The following SDCCAG8 variants were observed in gnomAD, a reference collection of about 807,000 sequenced individuals.
The protein encoded by SDCCAG8 is SHH signaling and ciliogenesis regulator SDCCAG8, also known as serologically defined colon cancer antigen 8.
SDCCAG8 carries 74 observed loss-of-function variants against 101.8 expected under a neutral mutation model. The ratio of observed to expected loss-of-function variants is 0.73; its 90% CI spans 0.60 to 0.88. The LOEUF (loss-of-function observed/expected upper bound fraction) is 0.88, where lower values mean the gene tolerates loss of function less well. Ranked by LOEUF, SDCCAG8 falls within the 40% of genes least tolerant of loss-of-function variation. SDCCAG8 has a pLI of 0.00. For missense variants in SDCCAG8, 787 were observed against 822.6 expected (o/e 0.96, Z 0.53); for synonymous variants, 281 against 292.9 (o/e 0.96, Z 0.41).
Position 243,418,057 on chromosome 1 carries a change from C to A in SDCCAG8, c.1834C>A (p.Gln612Lys), listed in dbSNP as rs757630709. ...CTGTACATTAGCCAAGAAACTGGAA[C>A]AAATCTCTCAAAAAACCAGGTAGGT... ...ECCTLAKKLE[Q>K]ISQKTRSEIA... The change falls in exon 15 of 18, where the codon CAA becomes AAA. Residue 612 changes from glutamine (Q) to lysine (K), a missense_variant. By Grantham distance (53) the Gln-to-Lys change is moderately conservative. Transcript: ENST00000366541. 1.9e-6 allele frequency: 3 copies of A among 1,611,022 alleles called. No homozygotes were observed. The highest frequency in any genetic ancestry group is 1.7e-5 in the Admixed American group (1 of 59,954).
chr1:243,490,780 G>T (rs1468859005), intron 17 of SDCCAG8, among the ~76,000 whole-genome samples: 2 of 152,230 alleles, frequency 1.3e-5, no homozygotes, highest in African/African-American at 4.8e-5. Flanking sequence ...AGCAGCAGCT[G>T]TGGGACCAGT....
At chr1:243,273,478 G>A (rs150899653) in intron 3 of SDCCAG8, among the ~76,000 whole-genome samples, 90 of 152,194 alleles carry the variant, frequency 5.9e-4, no homozygotes, top group African/African-American at 2.0e-3. Flanking sequence ...TAGCATTAGC[G>A]TTTTTTTGAA....
intron 6 of SDCCAG8, among the ~76,000 whole-genome samples, chr1:243,295,357 C>T (rs998111542): frequency 3.3e-5 from 5 of 152,176 alleles, no homozygotes; most frequent in African/African-American, 1.2e-4. Flanking sequence ...CCTGCCTCAG[C>T]ACCCCAAGTA....
At chr1:243,359,945 G>T (rs1022475927) in intron 12 of SDCCAG8, among the ~76,000 whole-genome samples, 1 of 152,010 alleles carries the variant, frequency 6.6e-6, no homozygotes, top group African/African-American at 2.4e-5. Context: ...TGTTTGATCA[G>T]TCTTTTTTAT....
At chr1:243,433,140 T>A (rs1333072328) in intron 16 of SDCCAG8, among the ~76,000 whole-genome samples, 4 of 152,088 alleles carry the variant, frequency 2.6e-5, no homozygotes, top group African/African-American at 9.7e-5. Context: ...ATGGATACGG[T>A]GCTGGAAAGG....
chr1:243,476,642 C>G (rs1015352484), intron 16 of SDCCAG8, among the ~76,000 whole-genome samples: 1 of 152,190 alleles, frequency 6.6e-6, no homozygotes, highest in African/African-American at 2.4e-5. Context: ...GACCTCCATG[C>G]GTCTGATAGT....
At chr1:243,258,161 A>G (rs917083151) in intron 1 of SDCCAG8, among the ~76,000 whole-genome samples, 25 of 151,562 alleles carry the variant, frequency 1.6e-4, no homozygotes, top group African/African-American at 5.8e-4. Context: ...CACCAAGAGC[A>G]AATACGAAGG....
At chr1:243,264,974 G>A (rs935616823) in intron 1 of SDCCAG8, among the ~76,000 whole-genome samples, 5 of 152,198 alleles carry the variant, frequency 3.3e-5, no homozygotes, top group African/African-American at 1.2e-4. Flanking sequence ...ATAGGAAACG[G>A]TAACTGGAAC....
At chr1:243,387,488 G>A (rs1350701777) in intron 13 of SDCCAG8, among the ~76,000 whole-genome samples, 1 of 152,148 alleles carries the variant, frequency 6.6e-6, no homozygotes, top group African/African-American at 2.4e-5. Flanking sequence ...CACCAAACAG[G>A]TATTATACTG....
chr1:243,477,375 T>C (rs941948533), intron 16 of SDCCAG8, among the ~76,000 whole-genome samples: 1 of 152,200 alleles, frequency 6.6e-6, no homozygotes, highest in East Asian at 1.9e-4. Flanking sequence ...TGTTCTTGCT[T>C]GAGACAAAGC....
At chr1:243,487,311 G>T (rs1665152984) in intron 16 of SDCCAG8, among the ~76,000 whole-genome samples, 1 of 152,236 alleles carries the variant, frequency 6.6e-6, no homozygotes, top group African/African-American at 2.4e-5. Flanking sequence ...GATCCACTGG[G>T]TGGCTTTGAG....
At chr1:243,425,163 A>G (rs935957715) in intron 15 of SDCCAG8, among the ~76,000 whole-genome samples, 1 of 152,172 alleles carries the variant, frequency 6.6e-6, no homozygotes, top group African/African-American at 2.4e-5. Context: ...GAGATAATCC[A>G]TGCTCTCATA....
At chr1:243,374,221 A>T (rs1471574804) in intron 12 of SDCCAG8, among the ~76,000 whole-genome samples, 1 of 152,076 alleles carries the variant, frequency 6.6e-6, no homozygotes, top group Non-Finnish European at 1.5e-5. Flanking sequence ...TAAGAAAATG[A>T]GATAATCAAT....
chr1:243,258,531 A>G (rs1442565956), intron 1 of SDCCAG8, among the ~76,000 whole-genome samples: 1 of 152,074 alleles, frequency 6.6e-6, no homozygotes, highest in Non-Finnish European at 1.5e-5. Flanking sequence ...CAGCCTCCCA[A>G]GTAGCTGGGA....
At chr1:243,450,303 G>A (rs2083256204) in intron 16 of SDCCAG8, among the ~76,000 whole-genome samples, 1 of 152,174 alleles carries the variant, frequency 6.6e-6, no homozygotes, top group Non-Finnish European at 1.5e-5. Flanking sequence ...GATTAATATA[G>A]GCTGATTCCA....
intron 13 of SDCCAG8, among the ~76,000 whole-genome samples, chr1:243,398,287 A>G (rs1404577556): frequency 6.6e-6 from 1 of 152,206 alleles, no homozygotes; most frequent in African/African-American, 2.4e-5. Flanking sequence ...CAGTAAATAT[A>G]AAGAATTGAA....
chr1:243,294,361 C>T (rs138138067), intron 6 of SDCCAG8, among the ~76,000 whole-genome samples: 2 of 151,948 alleles, frequency 1.3e-5, no homozygotes, highest in African/African-American at 2.4e-5. Context: ...TATTCCATAT[C>T]GTGTGATTAT....
chr1:243,348,037 C>CTTTT (rs1181379015), intron 12 of SDCCAG8, among the ~76,000 whole-genome samples: 1 of 103,382 alleles, frequency 9.7e-6, no homozygotes, highest in Non-Finnish European at 1.9e-5. Flanking sequence ...TTTTTTTTTT[C>CTTTT]TTTTTTTTTT....
At chr1:243,386,620 G>A (rs982016458) in intron 13 of SDCCAG8, among the ~76,000 whole-genome samples, 3 of 152,082 alleles carry the variant, frequency 2.0e-5, no homozygotes, top group African/African-American at 4.8e-5. Flanking sequence ...GGGCATGATG[G>A]CACACGTCCG....
Sources: allele counts gnomAD v4.1 joint callset (sites outside exome capture counted in the v4.1 genomes callset), GRCh38; gene constraint gnomAD v4.1.1; transcripts MANE v1.5; gene names NCBI Gene and HGNC (gene_info 2026-07-23, HGNC 2026-07-21).